The following SNX29 variants were observed in gnomAD, a reference collection of about 807,000 sequenced individuals.
SNX29 encodes sorting nexin 29.
Under a neutral mutation model 102.1 loss-of-function variants are expected in SNX29, and 78 were observed. The ratio of observed to expected loss-of-function variants is 0.76; its 90% CI spans 0.64 to 0.92. The LOEUF (loss-of-function observed/expected upper bound fraction) is 0.92, where lower values mean the gene tolerates loss of function less well. Among genes scored for constraint, SNX29 ranks in the 40% least tolerant of loss-of-function variants. The pLI is 0.00. For missense variants in SNX29, 1,280 were observed against 1,061.7 expected, an observed-to-expected ratio of 1.21 and a Z score of -2.86; for synonymous variants, 580 against 414.5, an observed-to-expected ratio of 1.40 and a Z score of -4.85.
At chr16:12,377,414 C>CT (rs1355371838) in intron 16 of SNX29, among the ~76,000 whole-genome samples, 3 of 152,176 alleles carry the variant, frequency 2.0e-5, no homozygotes, top group Non-Finnish European at 4.4e-5. Context: ...CATTCTGACT[C>CT]TTAAAGCTTC....
intron 15 of SNX29, among the ~76,000 whole-genome samples, chr16:12,355,658 C>T (rs549825232): frequency 2.0e-5 from 3 of 151,940 alleles, no homozygotes; most frequent in Admixed American, 6.6e-5. Flanking sequence ...TAGTCACCTC[C>T]AGTTTTATTT....
At chr16:12,564,226 AAG>A (rs373599544) in intron 20 of SNX29, among the ~76,000 whole-genome samples, 6 of 152,030 alleles carry the variant, frequency 3.9e-5, no homozygotes, top group South Asian at 2.1e-4. Context: ...CCACATCTCT[AAG>A]AGAAAAAAAT....
At chr16:12,180,870 T>A (rs1022375077) in intron 13 of SNX29, among the ~76,000 whole-genome samples, 1 of 152,138 alleles carries the variant, frequency 6.6e-6, no homozygotes, top group African/African-American at 2.4e-5. Context: ...TCCTGTGGAT[T>A]TCGTGTGGTG....
intron 20 of SNX29, among the ~76,000 whole-genome samples, chr16:12,555,106 C>G (rs59725040): frequency 0.77 from 116,197 of 151,750 alleles, 45,049 homozygotes; most frequent in Middle Eastern, 0.84. Flanking sequence ...CAATCAGGGA[C>G]AATCTCAGAG....
intron 13 of SNX29, among the ~76,000 whole-genome samples, chr16:12,138,957 C>CT (rs2054765128): frequency 6.6e-6 from 1 of 152,078 alleles, no homozygotes; most frequent in Non-Finnish European, 1.5e-5. Context: ...AATCCCAACA[C>CT]TTTGGGAGGC....
intron 19 of SNX29, among the ~76,000 whole-genome samples, chr16:12,482,400 C>T (rs1005380132): frequency 1.3e-5 from 2 of 152,108 alleles, no homozygotes; most frequent in Non-Finnish European, 2.9e-5. Flanking sequence ...CTCCTGGGTT[C>T]AAGTGACCCT....
At chr16:12,381,784 C>G (rs989749650) in intron 16 of SNX29, among the ~76,000 whole-genome samples, 2 of 128,832 alleles carry the variant, frequency 1.6e-5, no homozygotes, top group African/African-American at 6.2e-5. Flanking sequence ...CAGCCACCCA[C>G]CCACCCATCA....
chr16:12,216,505 C>T (rs1026440495), intron 14 of SNX29, among the ~76,000 whole-genome samples: 33 of 152,308 alleles, frequency 2.2e-4, no homozygotes, highest in African/African-American at 6.5e-4. Context: ...GACAAGAAGT[C>T]GGGTTTGATG....
chr16:12,299,957 A>G (rs934802164), intron 15 of SNX29, among the ~76,000 whole-genome samples: 9 of 151,574 alleles, frequency 5.9e-5, no homozygotes, highest in Non-Finnish European at 1.2e-4. Context: ...TGCAACCTCC[A>G]CCTCCCTGGT....
chr16:12,123,044 C>G (rs1425768123), intron 11 of SNX29, among the ~76,000 whole-genome samples: 1 of 152,104 alleles, frequency 6.6e-6, no homozygotes. Flanking sequence ...CCAGGCTGGT[C>G]TTGAACTCCT....
At chr16:12,557,228 G>A (rs1157868922) in intron 20 of SNX29, 1 of 152,216 alleles carries the variant, frequency 6.6e-6, no homozygotes, top group Non-Finnish European at 1.5e-5. Flanking sequence ...TACGAATTTG[G>A]GAAGCTTTAC....
chr16:12,355,843 T>TA (rs56358290), intron 15 of SNX29, among the ~76,000 whole-genome samples: 1,867 of 85,152 alleles, frequency 0.022, 21 homozygotes, highest in Non-Finnish European at 0.029. Flanking sequence ...GAGATCTTAT[T>TA]AAAAAAAAAA....
At chr16:12,445,816 C>G (rs254115) in intron 18 of SNX29, among the ~76,000 whole-genome samples, 34,275 of 151,986 alleles carry the variant, frequency 0.23, 3,838 homozygotes, top group South Asian at 0.32. Flanking sequence ...CCAATTCAAG[C>G]CTCGGGACAA....
At chr16:12,550,908 C>G (rs1353645400) in intron 20 of SNX29, among the ~76,000 whole-genome samples, 1 of 152,138 alleles carries the variant, frequency 6.6e-6, no homozygotes, top group Admixed American at 6.5e-5. Flanking sequence ...CTCAGAATTG[C>G]TGGTTTTATT....
chr16:12,494,644 C>G (rs887640547), intron 19 of SNX29, among the ~76,000 whole-genome samples: 2 of 152,186 alleles, frequency 1.3e-5, no homozygotes, highest in African/African-American at 2.4e-5. Flanking sequence ...TTAACCACCC[C>G]CTTGGAACTT....
In SNX29 at chr16:12,571,659, G is replaced by C. The variant is rs752745743; in HGVS notation, c.*3030G>C. Reference sequence around the variant, plus strand: ...CCCAGATGAAAGACGACTCAGGAACGGTAGGGCTGGGCAGAGGTGTCTCTC... The same window carrying C: ...CCCAGATGAAAGACGACTCAGGAACCGTAGGGCTGGGCAGAGGTGTCTCTC... On this transcript the variant is annotated 3_prime_UTR_variant, in exon 21 of 21. Transcript: ENST00000566228. The C allele has an allele frequency of 1.2e-5, 13 of 1,058,928 alleles. No individual in the cohort carries two copies. Among genetic ancestry groups the C allele is most frequent in the African/African-American group, 6.6e-5 (4 of 60,650 alleles). 65.6% of individuals were successfully genotyped at this position (1,058,928 alleles called of 1,614,324 possible).
chr16:12,564,665 C>A (rs1334716978), intron 20 of SNX29, among the ~76,000 whole-genome samples: 1 of 152,152 alleles, frequency 6.6e-6, no homozygotes, highest in African/African-American at 2.4e-5. Flanking sequence ...TGGAACATAT[C>A]TTGTCCACAC....
At chr16:12,114,703 C>T (rs537185319) in intron 11 of SNX29, among the ~76,000 whole-genome samples, 1 of 152,190 alleles carries the variant, frequency 6.6e-6, no homozygotes, top group African/African-American at 2.4e-5. Flanking sequence ...TCTCCTGCCT[C>T]AGCCTCCCGA....
intron 15 of SNX29, among the ~76,000 whole-genome samples, chr16:12,304,372 A>G (rs899129597): frequency 2.0e-5 from 3 of 152,172 alleles, no homozygotes; most frequent in Non-Finnish European, 4.4e-5. Flanking sequence ...TCCCAGGTTC[A>G]AGCGATTCTC....
Sources: gnomAD v4.1 joint callset for allele counts (sites outside exome capture counted in the v4.1 genomes callset) on GRCh38, gnomAD v4.1.1 for gene constraint, MANE v1.5 for transcripts, NCBI Gene and HGNC (gene_info 2026-07-23, HGNC 2026-07-21) for gene names.